The following ZNF804B variants were observed in gnomAD, a reference collection of about 807,000 sequenced individuals.
The protein encoded by ZNF804B is zinc finger protein 804B.
A neutral mutation model predicts 101.4 loss-of-function variants in ZNF804B; 80 were observed. The observed-to-expected ratio is 0.79, with a 90% CI of 0.66 to 0.95. The LOEUF (loss-of-function observed/expected upper bound fraction) is 0.95, where lower values mean the gene tolerates loss of function less well. Ranked by LOEUF, ZNF804B falls within the 40% of genes least tolerant of loss-of-function variation. The pLI is 0.00. For synonymous variants in ZNF804B, 622 were observed against 558.8 expected, an observed-to-expected ratio of 1.11 and a Z score of -1.59; for missense variants, 1,673 against 1,561.9, an observed-to-expected ratio of 1.07 and a Z score of -1.20.
chr7:89,327,222 T>G (rs983770903), intron 2 of ZNF804B, 122 bp from the exon 3 acceptor site: 4 of 859,114 alleles, frequency 4.7e-6, no homozygotes. Context: ...GAAGATACTT[T>G]TACTCTTTCT....
intron 1 of ZNF804B, among the ~76,000 whole-genome samples, chr7:88,987,926 C>A (rs1166258316): frequency 2.6e-5 from 4 of 151,964 alleles, no homozygotes; most frequent in Admixed American, 6.6e-5. Flanking sequence ...TTCTTCCCAG[C>A]CTCTGGTAAC....
intron 1 of ZNF804B, among the ~76,000 whole-genome samples, chr7:89,118,672 C>T (rs1320497818): frequency 6.6e-6 from 1 of 152,074 alleles, no homozygotes; most frequent in Admixed American, 6.6e-5. Context: ...AATTCCATTC[C>T]AAAGCACACT....
At chr7:88,981,115 C>A (rs533024062) in intron 1 of ZNF804B, among the ~76,000 whole-genome samples, 1 of 152,166 alleles carries the variant, frequency 6.6e-6, no homozygotes, top group Non-Finnish European at 1.5e-5. Flanking sequence ...TGTGTCACAC[C>A]TGAAGCCAGC....
intron 1 of ZNF804B, among the ~76,000 whole-genome samples, chr7:89,110,018 G>T (rs545729005): frequency 6.6e-6 from 1 of 152,136 alleles, no homozygotes; most frequent in African/African-American, 2.4e-5. Context: ...CACAGCATTT[G>T]CCTTTGAAGA....
At chr7:88,782,273 A>T (rs1790240868) in intron 1 of ZNF804B, among the ~76,000 whole-genome samples, 1 of 152,072 alleles carries the variant, frequency 6.6e-6, no homozygotes, top group African/African-American at 2.4e-5. Context: ...GCTCTATCAG[A>T]AGGAGATCAG....
At chr7:89,181,196 G>T (rs1478263570) in intron 1 of ZNF804B, among the ~76,000 whole-genome samples, 2 of 151,952 alleles carry the variant, frequency 1.3e-5, no homozygotes, top group East Asian at 3.9e-4. Context: ...GGCTGCCCCA[G>T]TTGGTGTCTC....
chr7:89,267,129 T>C (rs1197691628), intron 2 of ZNF804B, among the ~76,000 whole-genome samples: 1 of 152,174 alleles, frequency 6.6e-6, no homozygotes, highest in Non-Finnish European at 1.5e-5. Context: ...TTATATTCCC[T>C]CCTTTTCATT....
chr7:89,119,644 A>G (rs944911182), intron 1 of ZNF804B, among the ~76,000 whole-genome samples: 9 of 152,164 alleles, frequency 5.9e-5, no homozygotes, highest in African/African-American at 2.2e-4. Flanking sequence ...AGTCAAAAGC[A>G]TGTGTCTGGT....
intron 1 of ZNF804B, among the ~76,000 whole-genome samples, chr7:88,816,891 C>A: frequency 6.8e-6 from 1 of 147,140 alleles, no homozygotes; most frequent in Non-Finnish European, 1.5e-5. Flanking sequence ...GGGTATATAC[C>A]CAAAGGATTA....
intron 1 of ZNF804B, among the ~76,000 whole-genome samples, chr7:89,179,643 C>T (rs559283176): frequency 2.4e-4 from 37 of 152,210 alleles, no homozygotes; most frequent in African/African-American, 8.2e-4. Flanking sequence ...GTCACTGGTG[C>T]CTTACTTGGT....
At chr7:88,920,493 T>A (rs995504459) in intron 1 of ZNF804B, among the ~76,000 whole-genome samples, 1 of 152,008 alleles carries the variant, frequency 6.6e-6, no homozygotes, top group African/African-American at 2.4e-5. Context: ...GAAAGCAGCT[T>A]ATTGAACAAT....
chr7:89,101,970 T>C (rs144288036), intron 1 of ZNF804B, among the ~76,000 whole-genome samples: 1,951 of 152,150 alleles, frequency 0.013, 40 homozygotes, highest in African/African-American at 0.044. Context: ...TATTTGATTT[T>C]CTGCTTCTGT....
Position 89,335,560 on chromosome 7 carries a change from G to C in ZNF804B, c.2578G>C (p.Glu860Gln), listed in dbSNP as rs759135817. 6.2e-7 allele frequency: 1 copy of C among 1,613,948 alleles called. No homozygotes were observed. Among genetic ancestry groups the C allele is most frequent in the South Asian group, 1.1e-5 (1 of 91,078 alleles). ...CGACAGATTGGACTCTTACTCAATA[G>C]AGAAAATGTATTACTTGAATAAAAG... is the stretch of plus-strand genomic sequence containing the variant. ...QHDRLDSYSI[E>Q]KMYYLNKSKR... The change falls in exon 4 of 4, where the codon GAG becomes CAG. Residue 860 changes from glutamate (E) to glutamine (Q), a missense_variant. Glu to Gln is a conservative substitution (Grantham distance 29). Transcript: ENST00000333190.
chr7:89,293,241 C>A (rs73401134), intron 2 of ZNF804B, among the ~76,000 whole-genome samples: 8 of 151,342 alleles, frequency 5.3e-5, no homozygotes, highest in African/African-American at 1.9e-4. Context: ...ATGTATAATA[C>A]GTTATTAATA....
chr7:89,307,259 CA>C (rs1453565760), intron 2 of ZNF804B, among the ~76,000 whole-genome samples: 1 of 151,910 alleles, frequency 6.6e-6, no homozygotes, highest in African/African-American at 2.4e-5. Context: ...AGATATAAAG[CA>C]CACAATGAAC....
At chr7:89,175,406 C>T (rs12669816) in intron 1 of ZNF804B, among the ~76,000 whole-genome samples, 61,864 of 151,580 alleles carry the variant, frequency 0.41, 13,176 homozygotes, top group Middle Eastern at 0.48. Context: ...TATTTTTTTC[C>T]GGGTGCTCCA....
At chr7:88,935,695 C>T (rs2116030711) in intron 1 of ZNF804B, among the ~76,000 whole-genome samples, 1 of 151,942 alleles carries the variant, frequency 6.6e-6, no homozygotes, top group East Asian at 1.9e-4. Context: ...TCTCTAAAAT[C>T]CTATCAAGGA....
At chr7:88,785,157 G>C (rs146463266) in intron 1 of ZNF804B, among the ~76,000 whole-genome samples, 3 of 152,036 alleles carry the variant, frequency 2.0e-5, no homozygotes, top group African/African-American at 7.2e-5. Context: ...CTCAAATTCG[G>C]CATGTTCAAA....
intron 1 of ZNF804B, among the ~76,000 whole-genome samples, chr7:89,146,997 A>G (rs375687284): frequency 2.0e-4 from 31 of 151,636 alleles, no homozygotes; most frequent in African/African-American, 7.2e-4. Flanking sequence ...CCACTGCACC[A>G]TAGTCTGTTG....
Sources: allele counts gnomAD v4.1 joint callset (sites outside exome capture counted in the v4.1 genomes callset), GRCh38; gene constraint gnomAD v4.1.1; transcripts MANE v1.5; gene names NCBI Gene and HGNC (gene_info 2026-07-23, HGNC 2026-07-21).